The following STT3B variants were observed in gnomAD, a reference collection of about 807,000 sequenced individuals.
The protein encoded by STT3B is STT3 oligosaccharyltransferase complex catalytic subunit B, also known as dolichyl-diphosphooligosaccharide--protein glycosyltransferase subunit STT3B.
A neutral mutation model predicts 96.8 loss-of-function variants in STT3B; 29 were observed. The observed-to-expected ratio is 0.30, with a 90% confidence interval of 0.22 to 0.41. The LOEUF is 0.41. Ranked by LOEUF, STT3B falls within the 10% of genes least tolerant of loss-of-function variation. STT3B has a pLI of 1.00. For synonymous variants in STT3B, 367 were observed against 360.0 expected (o/e 1.02, Z -0.22); for missense variants, 640 against 1,022.3 (o/e 0.63, Z 5.10).
At chr3:31,563,308 A>G (rs1697925695) in intron 1 of STT3B, among the ~76,000 whole-genome samples, 2 of 152,222 alleles carry the variant, frequency 1.3e-5, no homozygotes, top group South Asian at 4.1e-4. Context: ...TTTAGTATGC[A>G]TGGTGAGTGC....
At chr3:31,612,620 G>A (rs1328738647) in intron 5 of STT3B, among the ~76,000 whole-genome samples, 1 of 152,052 alleles carries the variant, frequency 6.6e-6, no homozygotes, top group African/African-American at 2.4e-5. Context: ...AAACTCTAGT[G>A]CATCTGCTTC....
intron 1 of STT3B, among the ~76,000 whole-genome samples, chr3:31,535,614 T>G (rs1157979432): frequency 6.6e-6 from 1 of 152,018 alleles, no homozygotes; most frequent in African/African-American, 2.4e-5. Flanking sequence ...ATCCAGCTAC[T>G]TGGGAGGCTG....
At chr3:31,545,983 T>C (rs554075874) in intron 1 of STT3B, among the ~76,000 whole-genome samples, 4 of 152,328 alleles carry the variant, frequency 2.6e-5, no homozygotes, top group East Asian at 3.9e-4. Flanking sequence ...AAAAATGGTA[T>C]TAGCTTATTT....
chr3:31,607,602 C>T (rs1699081718), intron 5 of STT3B, among the ~76,000 whole-genome samples: 1 of 152,118 alleles, frequency 6.6e-6, no homozygotes, highest in Non-Finnish European at 1.5e-5. Context: ...TGTAAATTGC[C>T]TAGTCTCAGG....
At chr3:31,597,986 C>T (rs1698832501) in intron 4 of STT3B, among the ~76,000 whole-genome samples, 1 of 151,760 alleles carries the variant, frequency 6.6e-6, no homozygotes, top group African/African-American at 2.4e-5. Context: ...CAGATGTGTG[C>T]CACTATGCCC....
At chr3:31,553,482 A>T (rs2125441250) in intron 1 of STT3B, among the ~76,000 whole-genome samples, 1 of 152,362 alleles carries the variant, frequency 6.6e-6, no homozygotes, top group Non-Finnish European at 1.5e-5. Flanking sequence ...AAAACATGTT[A>T]AATGAAAGAA....
At chr3:31,561,722 CTG>C (rs1477104897) in intron 1 of STT3B, among the ~76,000 whole-genome samples, 5 of 151,942 alleles carry the variant, frequency 3.3e-5, no homozygotes, top group Admixed American at 1.3e-4. Context: ...TTTATGTTTC[CTG>C]TGTTTTTACT....
In STT3B at chr3:31,569,405, A is replaced by T. The variant is rs150269777; in HGVS notation, c.315-6991A>T. 3.0e-4 allele frequency among the ~76,000 whole-genome samples: 46 copies of T among 152,304 alleles called. 1 individual carries two copies. The highest frequency in any genetic ancestry group is 6.8e-3 in the Middle Eastern group (2 of 294). On this transcript the variant is annotated intron_variant, in intron 1 of 15. Transcript: ENST00000295770. ...AAATTTAATATCTTCTTGCTACCTT[A>T]GGAGACGGTCTCTTTTTCCCTAAAT...
chr3:31,591,658 C>T (rs1698665543), intron 3 of STT3B, among the ~76,000 whole-genome samples: 3 of 152,072 alleles, frequency 2.0e-5, no homozygotes, highest in Admixed American at 2.0e-4. Context: ...TTTCTCTCCT[C>T]TCCTCTGTGC....
At chr3:31,552,853 C>T (rs1300684266) in intron 1 of STT3B, among the ~76,000 whole-genome samples, 3 of 152,062 alleles carry the variant, frequency 2.0e-5, no homozygotes, top group Admixed American at 1.3e-4. Flanking sequence ...CCTGTAATCC[C>T]AGCACTTTGG....
rs1463182373 is a variant in STT3B at position 31,619,690 on chromosome 3, A to G, written c.1187A>G (p.His396Arg). 1 of 1,610,230 alleles carries G rather than the reference A, an allele frequency of 6.2e-7. No individual in the cohort carries two copies. Among genetic ancestry groups the G allele is most frequent in the East Asian group, 2.2e-5 (1 of 44,800 alleles). Residue 396 changes from histidine to arginine, a missense_variant, in exon 9 of 16, where the codon CAC becomes CGC. Coordinates refer to ENST00000295770, the MANE Select transcript of STT3B (RefSeq NM_178862.3). The part of the protein sequence containing the change: ...SLWDTGYAKI[H>R]IPIIASVSEH... ...TTTAATACCAGGTATGCAAAAATAC[A>G]CATTCCAATTATTGCATCAGTGTCT...
At chr3:31,593,218 C>T (rs1305479739) in intron 3 of STT3B, among the ~76,000 whole-genome samples, 1 of 152,304 alleles carries the variant, frequency 6.6e-6, no homozygotes, top group Middle Eastern at 3.4e-3. Context: ...TTTAATGATA[C>T]TTTGCTCTTT....
intron 3 of STT3B, among the ~76,000 whole-genome samples, chr3:31,593,410 GTT>G (rs1698711801): frequency 6.6e-6 from 1 of 151,578 alleles, no homozygotes; most frequent in Admixed American, 6.6e-5. Context: ...TTTGACTACA[GTT>G]TGTCTAGGTG....
intron 14 of STT3B, 47 bp from the exon 15 acceptor site, chr3:31,632,888 A>G: frequency 6.6e-7 from 1 of 1,519,292 alleles, no homozygotes; most frequent in South Asian, 1.2e-5. Flanking sequence ...ATAACACTGA[A>G]TGTTTTCCAA....
At chr3:31,536,615 C>A (rs1298657277) in intron 1 of STT3B, among the ~76,000 whole-genome samples, 1 of 152,038 alleles carries the variant, frequency 6.6e-6, no homozygotes, top group Non-Finnish European at 1.5e-5. Context: ...AATTTGTCAC[C>A]CAAGTTATTT....
intron 5 of STT3B, among the ~76,000 whole-genome samples, chr3:31,610,950 T>C (rs1699167179): frequency 1.3e-5 from 2 of 152,232 alleles, no homozygotes; most frequent in Non-Finnish European, 2.9e-5. Flanking sequence ...TACAACACTA[T>C]TGGTATCATG....
rs999588130 is a variant in STT3B, at chr3:31,538,430, C to G, written c.314+5118C>G. On this transcript the variant is annotated intron_variant, in intron 1 of 15. Transcript: ENST00000295770. The stretch of plus-strand genomic sequence containing the variant: ...GTAAATCAGTGCATTAGCCCCACAT[C>G]TGTTAAATGACTTGAGTTTGCTGAA... Among the ~76,000 whole-genome samples, 3 of 152,244 alleles carry G rather than the reference C, an allele frequency of 2.0e-5. No individual in the cohort carries two copies. In the East Asian group the frequency reaches 5.8e-4, roughly 29 times the overall value.
chr3:31,573,837 T>G (rs926267521), intron 1 of STT3B, among the ~76,000 whole-genome samples: 3 of 152,006 alleles, frequency 2.0e-5, no homozygotes, highest in Non-Finnish European at 4.4e-5. Context: ...TCGGCAGAGA[T>G]TTTAGAGTGA....
intron 1 of STT3B, among the ~76,000 whole-genome samples, chr3:31,554,987 G>A (rs905087208): frequency 6.6e-6 from 1 of 151,970 alleles, no homozygotes; most frequent in Non-Finnish European, 1.5e-5. Flanking sequence ...ACCTTCTTGG[G>A]TGCAGAACTG....
Sources: gnomAD v4.1 joint callset for allele counts (sites outside exome capture counted in the v4.1 genomes callset) on GRCh38, gnomAD v4.1.1 for gene constraint, MANE v1.5 for transcripts, NCBI Gene and HGNC (gene_info 2026-07-23, HGNC 2026-07-21) for gene names.